Variants in DNAH8 observed in about 807,000 individuals in gnomAD.
The protein encoded by DNAH8 is dynein axonemal heavy chain 8, also known as axonemal beta dynein heavy chain 8.
Under a neutral mutation model 562.1 loss-of-function variants are expected in DNAH8, and 382 were observed. That is an observed-to-expected ratio of 0.68 (90% confidence interval 0.63 to 0.74). The LOEUF is 0.74. Among genes scored for constraint, DNAH8 ranks in the 30% least tolerant of loss-of-function variants. The pLI, the probability that DNAH8 is intolerant of heterozygous loss-of-function variation, is 0.00. For missense variants in DNAH8, 5,203 were observed against 5,620.4 expected, an observed-to-expected ratio of 0.93 and a Z score of 2.37; for synonymous variants, 1,881 against 1,919.4, an observed-to-expected ratio of 0.98 and a Z score of 0.52.
At chr6:39,014,080 G>T in intron 91 of DNAH8, among the ~76,000 whole-genome samples, 1 of 151,982 alleles carries the variant, frequency 6.6e-6, no homozygotes, top group Non-Finnish European at 1.5e-5. Flanking sequence ...ATTGTCCTTT[G>T]TATACATACA....
intron 35 of DNAH8, 55 bp from the exon 36 acceptor site, chr6:38,845,519 G>A: frequency 7.1e-7 from 1 of 1,399,150 alleles, no homozygotes; most frequent in Non-Finnish European, 1.0e-6. Flanking sequence ...ATTTGATGAT[G>A]CACTTAATTT....
rs1773056068 is a variant in DNAH8 at position 38,823,458 on chromosome 6, A to G, written c.3721-104A>G. ...CTTACCCAGCCACTGGCCCCATTGC[A>G]CACACAAGTGTAAATGTGTATGAGC... On this transcript the variant is annotated intron_variant, in intron 27 of 92. Coordinates refer to ENST00000327475, the MANE Select transcript of DNAH8 (RefSeq NM_001206927.2). 15 of 864,600 alleles carry G rather than the reference A, an allele frequency of 1.7e-5. No individual in the cohort carries two copies. In the South Asian group the frequency reaches 2.2e-4, roughly 13 times the overall value. The allele number at this position is 864,600 out of a possible 1,614,324, so 53.6% of individuals were successfully genotyped here. A position where few individuals can be genotyped will look rare whatever the true frequency, so the allele number is the denominator to read the frequency against.
At chr6:38,914,540 C>T (rs1179685610) in intron 67 of DNAH8, among the ~76,000 whole-genome samples, 1 of 151,352 alleles carries the variant, frequency 6.6e-6, no homozygotes, top group African/African-American at 2.4e-5. Flanking sequence ...TTAGTAGAGA[C>T]GGGGTTTCAC....
chr6:38,974,272 C>T, intron 84 of DNAH8, 102 bp from the exon 85 acceptor site: 1 of 953,246 alleles, frequency 1.0e-6, no homozygotes, highest in Non-Finnish European at 1.5e-6. Flanking sequence ...CTTCCAGTCC[C>T]AAGCATTTCA....
At chr6:38,928,296 T>G (rs762573300) in intron 74 of DNAH8, 5 of 152,224 alleles carry the variant, frequency 3.3e-5, no homozygotes, top group Admixed American at 6.5e-5. Context: ...TGAAGATGAC[T>G]GAAGATAATT....
At chr6:38,721,492 G>A (rs1461494621) in intron 1 of DNAH8, among the ~76,000 whole-genome samples, 1 of 150,194 alleles carries the variant, frequency 6.7e-6, no homozygotes, top group Admixed American at 6.7e-5. Flanking sequence ...GTGGCAGCGT[G>A]AGGCCCTGTC....
chr6:38,744,080 T>C (rs563053453), intron 8 of DNAH8: 1 of 152,274 alleles, frequency 6.6e-6, no homozygotes, highest in East Asian at 1.9e-4. Flanking sequence ...TTATTATTAT[T>C]TTTTTGCCAG....
At chr6:38,950,291 GT>G (rs1309706655) in intron 81 of DNAH8, among the ~76,000 whole-genome samples, 1 of 151,538 alleles carries the variant, frequency 6.6e-6, no homozygotes, top group Non-Finnish European at 1.5e-5. Context: ...AAAATGAGAG[GT>G]AGAGTTATTT....
At chr6:38,727,417 G>A (rs1050547775) in intron 3 of DNAH8, among the ~76,000 whole-genome samples, 1 of 152,222 alleles carries the variant, frequency 6.6e-6, no homozygotes, top group South Asian at 2.1e-4. Context: ...GAGGGCAGAA[G>A]GGGAGAGAAG....
At chr6:39,023,545 A>G (rs1767069700) in intron 91 of DNAH8, among the ~76,000 whole-genome samples, 2 of 152,316 alleles carry the variant, frequency 1.3e-5, no homozygotes, top group South Asian at 4.1e-4. Context: ...TGCCAAAACA[A>G]AAGTACTGCT....
chr6:38,987,237 C>A (rs1195888259), intron 87 of DNAH8, among the ~76,000 whole-genome samples: 1 of 152,342 alleles, frequency 6.6e-6, no homozygotes, highest in South Asian at 2.1e-4. Flanking sequence ...GTGTCGCTGT[C>A]TCAGCCTGCT....
intron 52 of DNAH8, among the ~76,000 whole-genome samples, chr6:38,874,863 T>A (rs1288123558): frequency 6.6e-6 from 1 of 152,102 alleles, no homozygotes. Context: ...CCGAAATCAG[T>A]GAATTATTTA....
At chr6:38,941,234 G>C (rs181962044) in intron 79 of DNAH8, among the ~76,000 whole-genome samples, 1 of 152,178 alleles carries the variant, frequency 6.6e-6, no homozygotes, top group Non-Finnish European at 1.5e-5. Context: ...GGGAAAAAAT[G>C]TGGAGTATTT....
chr6:38,915,064 TA>T (rs1357301625), intron 67 of DNAH8, 136 bp from the exon 68 acceptor site: 1 of 711,914 alleles, frequency 1.4e-6, no homozygotes, highest in Non-Finnish European at 2.2e-6. Context: ...TACCTTAAAA[TA>T]TAGACAACTT....
rs1763296765 is a variant in DNAH8, at chr6:38,727,165, G to A, written c.526-2737G>A. Among the ~76,000 whole-genome samples the A allele has an allele frequency of 2.0e-5, 3 of 152,192 alleles. No homozygotes were observed. In the South Asian group the frequency reaches 6.2e-4, roughly 32 times the overall value. On this transcript the variant is annotated intron_variant, in intron 3 of 92. Coordinates refer to ENST00000327475, the MANE Select transcript of DNAH8 (RefSeq NM_001206927.2). ...GGGCCACCGTGCTGGGCCTGGAAAA[G>A]TATTCTTTTAATGTGAAGCCTGGCA...
intron 85 of DNAH8, among the ~76,000 whole-genome samples, chr6:38,976,006 C>A (rs1763647009): frequency 6.6e-6 from 1 of 152,162 alleles, no homozygotes; most frequent in Non-Finnish European, 1.5e-5. Context: ...GCTAAAGTGC[C>A]CTTGCACTTA....
At chr6:38,952,186 T>A (rs1212318943) in intron 82 of DNAH8, among the ~76,000 whole-genome samples, 1 of 152,006 alleles carries the variant, frequency 6.6e-6, no homozygotes, top group Non-Finnish European at 1.5e-5. Context: ...TAGATAAAAT[T>A]TACCAGGTGG....
At chr6:38,915,753 C>G (rs1368529192) in intron 68 of DNAH8, among the ~76,000 whole-genome samples, 2 of 152,046 alleles carry the variant, frequency 1.3e-5, no homozygotes, top group African/African-American at 4.8e-5. Flanking sequence ...GGATAAAGTC[C>G]TGAGCTAGAC....
intron 88 of DNAH8, among the ~76,000 whole-genome samples, chr6:39,003,860 C>T (rs1290587135): frequency 6.6e-6 from 1 of 152,174 alleles, no homozygotes; most frequent in African/African-American, 2.4e-5. Context: ...AATATATATA[C>T]TGTATATAAA....
Sources: gnomAD v4.1 joint callset for allele counts (sites outside exome capture counted in the v4.1 genomes callset) on GRCh38, gnomAD v4.1.1 for gene constraint, MANE v1.5 for transcripts, NCBI Gene and HGNC (gene_info 2026-07-23, HGNC 2026-07-21) for gene names.